The following IQCM variants were observed in gnomAD, a reference collection of about 807,000 sequenced individuals.
IQCM encodes IQ domain-containing protein M.
Under a neutral mutation model 57.6 loss-of-function variants are expected in IQCM, and 45 were observed. That is an observed-to-expected ratio of 0.78 (90% CI 0.62 to 1.00). IQCM has a LOEUF of 1.00. Ranked by LOEUF, IQCM falls within the 50% of genes least tolerant of loss-of-function variation. The pLI, the probability that IQCM is intolerant of heterozygous loss-of-function variation, is 0.00. For missense variants in IQCM, 468 were observed against 511.6 expected, an observed-to-expected ratio of 0.91 and a Z score of 0.82; for synonymous variants, 148 against 158.9, an observed-to-expected ratio of 0.93 and a Z score of 0.51.
intron 13 of IQCM, among the ~76,000 whole-genome samples, chr4:149,432,425 G>T (rs1018590379): frequency 1.3e-5 from 2 of 151,864 alleles, no homozygotes; most frequent in South Asian, 2.1e-4. Flanking sequence ...AAATACCTCT[G>T]TTGGAAAGTT....
chr4:149,501,076 C>G (rs17026283), intron 12 of IQCM, among the ~76,000 whole-genome samples: 3,366 of 152,202 alleles, frequency 0.022, 77 homozygotes, highest in African/African-American at 0.055. Flanking sequence ...AGCTTTTTCC[C>G]TTCCATATTT....
intron 12 of IQCM, among the ~76,000 whole-genome samples, chr4:149,455,123 A>G (rs1213520610): frequency 2.6e-5 from 4 of 152,088 alleles, no homozygotes; most frequent in Non-Finnish European, 5.9e-5. Flanking sequence ...AAAACCCAAC[A>G]ATGTATGATA....
At chr4:149,615,809 A>G (rs1755742292) in intron 8 of IQCM, among the ~76,000 whole-genome samples, 1 of 152,192 alleles carries the variant, frequency 6.6e-6, no homozygotes, top group Admixed American at 6.5e-5. Context: ...CAAGTTTCCT[A>G]TGCCCTTGTT....
chr4:149,394,435 T>G lies in IQCM; in HGVS notation c.1390+38961A>C, dbSNP rs1338336096. 2.6e-5 allele frequency among the ~76,000 whole-genome samples: 4 copies of G among 152,158 alleles called. No individual in the cohort carries two copies. The South Asian group carries it at 8.3e-4, about 32-fold the overall frequency. ...AGAGACATTTATCTTGCAAAAGTATTATTTTAATGCTCATTATATTATTGA... is the reference window on the plus strand; with the variant it reads ...AGAGACATTTATCTTGCAAAAGTATGATTTTAATGCTCATTATATTATTGA... On this transcript the variant is annotated intron_variant, in intron 13 of 13. Transcript: ENST00000636793.
At chr4:149,628,827 G>A (rs752300933) in intron 7 of IQCM, among the ~76,000 whole-genome samples, 2 of 152,082 alleles carry the variant, frequency 1.3e-5, no homozygotes, top group African/African-American at 2.4e-5. Flanking sequence ...ATCTGCAAAG[G>A]TGTAAACTCC....
At chr4:149,423,136 C>T (rs1172815873) in intron 13 of IQCM, among the ~76,000 whole-genome samples, 3 of 151,998 alleles carry the variant, frequency 2.0e-5, no homozygotes, top group Non-Finnish European at 2.9e-5. Context: ...AAAGAACTTC[C>T]TTGAGGCTGG....
At chr4:149,807,250 T>C (rs1259116219) in intron 2 of IQCM, among the ~76,000 whole-genome samples, 1 of 151,914 alleles carries the variant, frequency 6.6e-6, no homozygotes. Flanking sequence ...ACTACCTAAT[T>C]TCAAATTATT....
At chr4:149,772,490 T>C (rs1770682191) in intron 2 of IQCM, among the ~76,000 whole-genome samples, 1 of 152,120 alleles carries the variant, frequency 6.6e-6, no homozygotes, top group African/African-American at 2.4e-5. Context: ...TATATTTCCT[T>C]CAAACTGCTG....
intron 13 of IQCM, among the ~76,000 whole-genome samples, chr4:149,390,045 A>C (rs1404848062): frequency 6.6e-6 from 1 of 152,018 alleles, no homozygotes; most frequent in Non-Finnish European, 1.5e-5. Context: ...GAATCTGTAG[A>C]TCAGGTTGGA....
At chr4:149,425,473 G>T (rs1734399896) in intron 13 of IQCM, among the ~76,000 whole-genome samples, 1 of 151,962 alleles carries the variant, frequency 6.6e-6, no homozygotes, top group Non-Finnish European at 1.5e-5. Flanking sequence ...GGTTGATGGT[G>T]TAAGTCCTGG....
At chr4:149,382,231 T>G (rs1731130652) in intron 13 of IQCM, among the ~76,000 whole-genome samples, 1 of 152,080 alleles carries the variant, frequency 6.6e-6, no homozygotes, top group African/African-American at 2.4e-5. Context: ...AACAAACCCT[T>G]GAATAAGTGA....
At chr4:149,487,926 G>A (rs181016428) in intron 12 of IQCM, among the ~76,000 whole-genome samples, 32 of 152,056 alleles carry the variant, frequency 2.1e-4, no homozygotes, top group African/African-American at 7.0e-4. Context: ...CTGGTTTTTG[G>A]TTCTTCAGAT....
intron 3 of IQCM, among the ~76,000 whole-genome samples, chr4:149,739,515 A>T (rs1767256654): frequency 6.6e-6 from 1 of 151,268 alleles, no homozygotes; most frequent in African/African-American, 2.4e-5. Context: ...AATCACAAAG[A>T]TAACTTCCTA....
intron 2 of IQCM, among the ~76,000 whole-genome samples, chr4:149,778,392 A>G (rs576469438): frequency 6.6e-6 from 1 of 152,238 alleles, no homozygotes; most frequent in African/African-American, 2.4e-5. Flanking sequence ...AAAAGAAAAG[A>G]AAAATTAATA....
intron 3 of IQCM, among the ~76,000 whole-genome samples, chr4:149,739,751 C>T (rs1420783467): frequency 1.3e-5 from 2 of 151,996 alleles, no homozygotes; most frequent in Non-Finnish European, 2.9e-5. Context: ...CAAATACTAA[C>T]ATTCCTATAG....
intron 13 of IQCM, among the ~76,000 whole-genome samples, chr4:149,421,049 G>A (rs1466269793): frequency 9.8e-6 from 1 of 101,692 alleles, no homozygotes; most frequent in Non-Finnish European, 2.0e-5. Context: ...CAAATGTTCA[G>A]TAGTGCCAAA....
chr4:149,746,036 T>C (rs1767899308), intron 2 of IQCM, among the ~76,000 whole-genome samples: 1 of 146,388 alleles, frequency 6.8e-6, no homozygotes, highest in East Asian at 2.0e-4. Flanking sequence ...AGTATTCTTT[T>C]GGCAAAAAAA....
chr4:149,681,988 T>A, intron 7 of IQCM, 130 bp downstream of exon 7: 1 of 402,114 alleles, frequency 2.5e-6, no homozygotes, highest in Non-Finnish European at 4.3e-6. Flanking sequence ...TGCTTATCTT[T>A]GATACAGTGT....
intron 12 of IQCM, among the ~76,000 whole-genome samples, chr4:149,495,230 T>C (rs1200215037): frequency 6.6e-6 from 1 of 152,126 alleles, no homozygotes; most frequent in Non-Finnish European, 1.5e-5. Flanking sequence ...GATATTGTCA[T>C]TGTCTTTTAA....
Sources: allele counts gnomAD v4.1 joint callset (sites outside exome capture counted in the v4.1 genomes callset), GRCh38; gene constraint gnomAD v4.1.1; transcripts MANE v1.5; gene names NCBI Gene and HGNC (gene_info 2026-07-23, HGNC 2026-07-21).